The following TTK variants were observed in gnomAD, a reference collection of about 807,000 sequenced individuals.
The protein encoded by TTK is TTK protein kinase.
In TTK, 59 loss-of-function variants were observed where a neutral mutation model predicts 117.3. The observed-to-expected ratio is 0.50, with a 90% confidence interval of 0.41 to 0.62. The LOEUF (loss-of-function observed/expected upper bound fraction) is 0.62. TTK is among the 20% of genes least tolerant of loss of function. TTK has a pLI of 0.00. For missense variants in TTK, 921 were observed against 989.4 expected (o/e 0.93, Z 0.93); for synonymous variants, 302 against 325.0 (o/e 0.93, Z 0.76).
intron 16 of TTK, 97 bp downstream of exon 16, chr6:80,035,514 G>T: frequency 8.1e-7 from 1 of 1,241,454 alleles, no homozygotes; most frequent in Non-Finnish European, 1.1e-6. Context: ...TTGGTTATTG[G>T]TGTCTTTAAC....
At position 80,042,227 on chromosome 6, in the gene TTK, TACCACCTATAAAATA is replaced by T. The variant is rs765109492; in HGVS notation, c.*26_*40del. 940 of 1,522,970 alleles carry T rather than the reference TACCACCTATAAAATA, an allele frequency of 6.2e-4. 5 individuals carry two copies. In the Middle Eastern group the frequency reaches 0.012, roughly 19 times the overall value. 94.3% of individuals were successfully genotyped at this position (1,522,970 alleles called of 1,614,324 possible). On this transcript the variant is annotated 3_prime_UTR_variant, in exon 22 of 22. Coordinates refer to ENST00000369798, the MANE Select transcript of TTK (RefSeq NM_003318.5). Reference sequence around the variant, plus strand: ...ATTTGCAGTTATTCGTAATGTCAGATACCACCTATAAAATATATTGGACTGTTATACTCTTGAATC... The same window carrying T: ...ATTTGCAGTTATTCGTAATGTCAGATTATTGGACTGTTATACTCTTGAATC...
intron 5 of TTK, among the ~76,000 whole-genome samples, chr6:80,011,186 G>T (rs923862438): frequency 6.7e-6 from 1 of 149,686 alleles, no homozygotes; most frequent in Non-Finnish European, 1.5e-5. Flanking sequence ...CTAAGCAAGA[G>T]AATTTTTTTT....
chr6:80,010,953 A>T lies in TTK; in HGVS notation c.609A>T (p.Leu203Phe), dbSNP rs1196738291. Residue 203 changes from leucine to phenylalanine, a missense_variant, in exon 5 of 22, where the codon TTA (leucine) becomes TTT (phenylalanine). Coordinates refer to ENST00000369798, the MANE Select transcript of TTK (RefSeq NM_003318.5). ...QLLSEEEKKNLSASTVLTAQE... is the reference protein window; with the variant it reads ...QLLSEEEKKNFSASTVLTAQE... ...TTTCAGAGGAGGAAAAGAAGAATTTATCAGGTAACTATTAAGGTATACTAA... is the reference window on the plus strand; with the variant it reads ...TTTCAGAGGAGGAAAAGAAGAATTTTTCAGGTAACTATTAAGGTATACTAA... 1 of 1,611,778 alleles carries T rather than the reference A, an allele frequency of 6.2e-7. No homozygotes were observed. Among genetic ancestry groups the T allele is most frequent in the Non-Finnish European group, 8.5e-7 (1 of 1,178,350 alleles).
chr6:80,018,575 G>A (rs1767373477), intron 10 of TTK, among the ~76,000 whole-genome samples: 1 of 143,514 alleles, frequency 7.0e-6, no homozygotes, highest in South Asian at 2.2e-4. Flanking sequence ...AGTGAGCTGA[G>A]ATCCTGCCAT....
intron 11 of TTK, among the ~76,000 whole-genome samples, chr6:80,024,645 A>G (rs1767557292): frequency 6.6e-6 from 1 of 152,158 alleles, no homozygotes; most frequent in African/African-American, 2.4e-5. Context: ...TTTTCTTTTT[A>G]GAAGACGAAA....
In TTK at chr6:80,032,665, T is replaced by C. The variant is rs561625582; in HGVS notation, c.1614+1106T>C. 8.5e-5 allele frequency among the ~76,000 whole-genome samples: 13 copies of C among 152,296 alleles called. No homozygotes were observed. The East Asian group carries it at 1.9e-3, about 23-fold the overall frequency. ...AAAAAATTGGTGCCTCTTACTCTCA[T>C]ACACATATCTAGCCAATCAGCAGAT... On this transcript the variant is annotated intron_variant, in intron 14 of 21. Coordinates refer to ENST00000369798, the MANE Select transcript of TTK (RefSeq NM_003318.5).
chr6:80,026,298 A>T, intron 11 of TTK, 80 bp from the exon 12 acceptor site: 1 of 1,414,534 alleles, frequency 7.1e-7, no homozygotes. Flanking sequence ...TTTTATTTTA[A>T]AAGTTATAAT....
chr6:80,022,255 CTGT>C, intron 10 of TTK, 66 bp from the exon 11 acceptor site: 3 of 1,488,272 alleles, frequency 2.0e-6, no homozygotes, highest in Non-Finnish European at 2.7e-6. Context: ...GTAATATGTT[CTGT>C]TGTTTAGGCT....
chr6:80,037,540 G>T (rs1372912285), intron 17 of TTK: 1 of 152,666 alleles, frequency 6.6e-6, no homozygotes, highest in African/African-American at 2.4e-5. Flanking sequence ...TTTTAAAGTT[G>T]AGTATGTTAC....
chr6:80,037,901 A>C, intron 17 of TTK, 66 bp from the exon 18 acceptor site: 1 of 795,278 alleles, frequency 1.3e-6, no homozygotes. Context: ...TAATAATCTC[A>C]AAAAAAAATC....
chr6:80,011,879 T>G lies in TTK; in HGVS notation c.802-7T>G, dbSNP rs1767167856. ...GTTGGTTATTTAATCTTTCAAAATATTTTTAGTCATGCCCATTTGGAAGAG... is the reference window on the plus strand; with the variant it reads ...GTTGGTTATTTAATCTTTCAAAATAGTTTTAGTCATGCCCATTTGGAAGAG... On this transcript the variant is annotated splice_region_variant and splice_polypyrimidine_tract_variant and intron_variant, in intron 7 of 21. Transcript: ENST00000369798. 1 of 1,612,240 alleles carries G rather than the reference T, an allele frequency of 6.2e-7. No homozygotes were observed. Among genetic ancestry groups the G allele is most frequent in the Non-Finnish European group, 8.5e-7 (1 of 1,178,996 alleles).
intron 11 of TTK, among the ~76,000 whole-genome samples, chr6:80,025,396 A>G (rs1349865454): frequency 6.6e-6 from 1 of 152,236 alleles, no homozygotes; most frequent in Non-Finnish European, 1.5e-5. Flanking sequence ...CAAGTGCGTA[A>G]TGAGGACCAG....
At chr6:80,030,936 C>T (rs989719706) in intron 13 of TTK, among the ~76,000 whole-genome samples, 2 of 151,362 alleles carry the variant, frequency 1.3e-5, no homozygotes, top group East Asian at 3.9e-4. Flanking sequence ...ATCCCAGCTA[C>T]TCGGGAGGCT....
At chr6:80,033,853 G>T (rs1374887267) in intron 14 of TTK, among the ~76,000 whole-genome samples, 1 of 151,974 alleles carries the variant, frequency 6.6e-6, no homozygotes, top group Non-Finnish European at 1.5e-5. Flanking sequence ...TGCTTTCGTA[G>T]AAATTACTTG....
At chr6:80,025,637 T>C (rs1162663392) in intron 11 of TTK, among the ~76,000 whole-genome samples, 7 of 152,182 alleles carry the variant, frequency 4.6e-5, no homozygotes, top group African/African-American at 1.7e-4. Flanking sequence ...ATGGGCTCTG[T>C]TGTAGCTTTT....
At chr6:80,014,973 CAG>C (rs1767267601) in intron 10 of TTK, among the ~76,000 whole-genome samples, 3 of 152,052 alleles carry the variant, frequency 2.0e-5, no homozygotes, top group Non-Finnish European at 4.4e-5. Flanking sequence ...GTGGATAAAA[CAG>C]TGTCCCAAGG....
chr6:80,014,404 AAGAC>A, intron 9 of TTK, 55 bp from the exon 10 acceptor site: 8 of 1,484,870 alleles, frequency 5.4e-6, no homozygotes, highest in East Asian at 2.3e-5. Flanking sequence ...ATTGAACAGT[AAGAC>A]AGATTAGTAG....
intron 10 of TTK, 101 bp downstream of exon 10, chr6:80,014,687 G>A: frequency 8.2e-7 from 1 of 1,220,198 alleles, no homozygotes; most frequent in Non-Finnish European, 1.1e-6. Flanking sequence ...ATGTGAAACT[G>A]TGTCTATGTT....
In TTK at chr6:80,027,975, G is replaced by A; in HGVS notation, c.1485G>A (p.Gln495=). The change falls in exon 13 of 22, where the codon CAG becomes CAA. Residue 495 remains glutamine, a synonymous_variant. Coordinates refer to ENST00000369798, the MANE Select transcript of TTK (RefSeq NM_003318.5). ...YGQPACFQQQ[Q]HQILATPLQN... is the part of the protein sequence containing the mutation. ...AACCTGCCTGTTTCCAGCAGCAACA[G>A]CATCAAATACTTGCCACTCCACTTC... The A allele has an allele frequency of 6.2e-7, 1 of 1,606,554 alleles. No individual in the cohort carries two copies. Among genetic ancestry groups the A allele is most frequent in the Non-Finnish European group, 8.5e-7 (1 of 1,175,662 alleles).
Sources: allele counts gnomAD v4.1 joint callset (sites outside exome capture counted in the v4.1 genomes callset), GRCh38; gene constraint gnomAD v4.1.1; transcripts MANE v1.5; gene names NCBI Gene and HGNC (gene_info 2026-07-23, HGNC 2026-07-21).